Variants in OSBPL3 observed in about 807,000 individuals in gnomAD.
OSBPL3 encodes oxysterol-binding protein-related protein 3.
In OSBPL3, 65 loss-of-function variants were observed where a neutral mutation model predicts 120.1. That is an observed-to-expected ratio of 0.54 (90% CI 0.44 to 0.67). The LOEUF (loss-of-function observed/expected upper bound fraction) is 0.67. Among genes scored for constraint, OSBPL3 ranks in the 30% least tolerant of loss-of-function variants. The probability of loss-of-function intolerance (pLI) is 0.00; values close to 1 mark genes in which losing one functional copy is unlikely to be tolerated. For missense variants in OSBPL3, 1,004 were observed against 1,082.1 expected, an observed-to-expected ratio of 0.93 and a Z score of 1.01; for synonymous variants, 416 against 402.6, an observed-to-expected ratio of 1.03 and a Z score of -0.40.
At chr7:24,911,782 G>A (rs1562918481) in intron 1 of OSBPL3, among the ~76,000 whole-genome samples, 1 of 152,156 alleles carries the variant, frequency 6.6e-6, no homozygotes, top group Non-Finnish European at 1.5e-5. Context: ...CTCACTTCTA[G>A]GGGAAAGAAA....
At chr7:24,911,714 A>G (rs1254818001) in intron 1 of OSBPL3, among the ~76,000 whole-genome samples, 1 of 152,186 alleles carries the variant, frequency 6.6e-6, no homozygotes, top group Non-Finnish European at 1.5e-5. Context: ...ATTCCTTGTA[A>G]GAGAATCACT....
Position 24,937,878 on chromosome 7 carries a change from A to G in OSBPL3, c.-150+42008T>C, listed in dbSNP as rs182804105. Among the ~76,000 whole-genome samples, 5 of 152,356 alleles carry G rather than the reference A, an allele frequency of 3.3e-5. No homozygotes were observed. The East Asian group carries it at 9.6e-4, about 29-fold the overall frequency. On this transcript the variant is annotated intron_variant, in intron 1 of 22. Coordinates refer to ENST00000313367, the MANE Select transcript of OSBPL3 (RefSeq NM_015550.4). This position sits in a 1 kb window ranked among gnomAD's most constrained non-coding sequence, Gnocchi z 4.0. Reference sequence around the variant, plus strand: ...GAAACGATATTCTTGTTCTGGTTTTATATTATGCTTCCAGAATCGAAAGGT... The same window carrying G: ...GAAACGATATTCTTGTTCTGGTTTTGTATTATGCTTCCAGAATCGAAAGGT...
intron 1 of OSBPL3, 113 bp from the exon 2 acceptor site, chr7:24,892,734 T>C (rs1016867821): frequency 1.6e-5 from 10 of 644,044 alleles, no homozygotes; most frequent in East Asian, 8.7e-5. Context: ...TCACGATGTT[T>C]AGCTATAGCA....
At chr7:24,853,970 A>G (rs1005137342) in intron 10 of OSBPL3, among the ~76,000 whole-genome samples, 1 of 152,082 alleles carries the variant, frequency 6.6e-6, no homozygotes, top group African/African-American at 2.4e-5. Context: ...GCATTCAGCT[A>G]CTCTGTTCCC....
At chr7:24,882,021 A>T (rs945082266) in intron 2 of OSBPL3, among the ~76,000 whole-genome samples, 7 of 152,162 alleles carry the variant, frequency 4.6e-5, no homozygotes, top group Non-Finnish European at 8.8e-5. Flanking sequence ...CTCATCTCAA[A>T]TCCTTAAATT....
chr7:24,847,023 G>T (rs1455328107), intron 12 of OSBPL3, among the ~76,000 whole-genome samples: 1 of 144,350 alleles, frequency 6.9e-6, no homozygotes, highest in African/African-American at 2.6e-5. Context: ...AGGTGCCACT[G>T]CACTCCAGCC....
At chr7:24,954,058 T>C (rs941604673) in intron 1 of OSBPL3, among the ~76,000 whole-genome samples, 21 of 152,206 alleles carry the variant, frequency 1.4e-4, no homozygotes, top group African/African-American at 4.8e-4. Context: ...CCTTCCTTCC[T>C]CTTTCATGAT....
rs531158456 is a variant in OSBPL3, at chr7:24,932,844, G to A, written c.-149-40223C>T. On this transcript the variant is annotated intron_variant, in intron 1 of 22. Coordinates refer to ENST00000313367, the MANE Select transcript of OSBPL3 (RefSeq NM_015550.4). This position sits in a 1 kb window ranked among gnomAD's most constrained non-coding sequence, Gnocchi z 5.6. ...AAGCATTTGAAATGTTGGGCATTCA[G>A]GAACGATCTTTCTAAGATCACTTTT... 6.6e-5 allele frequency among the ~76,000 whole-genome samples: 10 copies of A among 152,352 alleles called. No individual in the cohort carries two copies. Among genetic ancestry groups the A allele is most frequent in the African/African-American group, 2.2e-4 (9 of 41,584 alleles).
At chr7:24,847,779 G>A (rs1798617623) in intron 12 of OSBPL3, among the ~76,000 whole-genome samples, 3 of 152,196 alleles carry the variant, frequency 2.0e-5, no homozygotes, top group Admixed American at 2.0e-4. Flanking sequence ...AGTAATGGCT[G>A]ATCCTGGCCA....
Position 24,881,068 on chromosome 7 carries a change from C to A in OSBPL3, c.97-8999G>T, listed in dbSNP as rs1249223510. 6.6e-6 allele frequency among the ~76,000 whole-genome samples: 1 copy of A among 152,158 alleles called. No individual in the cohort carries two copies. Among genetic ancestry groups the A allele is most frequent in the African/African-American group, 2.4e-5 (1 of 41,436 alleles). The stretch of plus-strand genomic sequence containing the variant: ...AGACCCACTGCTTTGCTGGACAGCA[C>A]CAGCTGAGAACAGTGCTCTCTCTTA... On this transcript the variant is annotated intron_variant, in intron 2 of 22. Coordinates refer to ENST00000313367, the MANE Select transcript of OSBPL3 (RefSeq NM_015550.4). The surrounding 1 kb of genome is among the most constrained non-coding windows in gnomAD (Gnocchi z 4.3).
intron 15 of OSBPL3, among the ~76,000 whole-genome samples, chr7:24,832,403 A>G (rs1460891175): frequency 6.7e-6 from 1 of 149,846 alleles, no homozygotes; most frequent in Non-Finnish European, 1.5e-5. Context: ...CCAGCTACTC[A>G]GGAGGCTGAA....
At chr7:24,948,365 G>T (rs1397412648) in intron 1 of OSBPL3, among the ~76,000 whole-genome samples, 1 of 149,424 alleles carries the variant, frequency 6.7e-6, no homozygotes, top group Admixed American at 6.8e-5. Context: ...ACAGGTGGAA[G>T]TCAAAGCAAG....
rs552971149 is a variant in OSBPL3, at chr7:24,972,596, T to C, written c.-150+7290A>G. The stretch of plus-strand genomic sequence containing the variant: ...TGCACCCAGCCTGGTGTCTGGCACA[T>C]GGCATGTGCTTAATAAATATTTGTG... On this transcript the variant is annotated intron_variant, in intron 1 of 22. Transcript: ENST00000313367. This position sits in a 1 kb window ranked among gnomAD's most constrained non-coding sequence, Gnocchi z 4.3. Among the ~76,000 whole-genome samples, 4 of 152,352 alleles carry C rather than the reference T, an allele frequency of 2.6e-5. No individual in the cohort carries two copies. The highest frequency in any genetic ancestry group is 4.4e-5 in the Non-Finnish European group (3 of 68,034).
rs113889305 is a variant in OSBPL3, at chr7:24,940,797, T to C, written c.-150+39089A>G. 4.0e-3 allele frequency among the ~76,000 whole-genome samples: 597 copies of C among 149,896 alleles called. 2 individuals are homozygous for C. The highest frequency in any genetic ancestry group is 6.1e-3 in the Non-Finnish European group (411 of 67,760). On this transcript the variant is annotated intron_variant, in intron 1 of 22. Transcript: ENST00000313367. The surrounding 1 kb of genome is among the most constrained non-coding windows in gnomAD (Gnocchi z 4.4). ...CTCACACTTCCCACATCGCTCTTCT[T>C]AACATTTCTTCCTTTTTTTTCTTTT...
intron 14 of OSBPL3, among the ~76,000 whole-genome samples, chr7:24,837,653 A>T (rs1206619317): frequency 1.3e-5 from 2 of 152,252 alleles, no homozygotes; most frequent in Non-Finnish European, 2.9e-5. Context: ...TTATTCTGTG[A>T]CAGGCAGTCT....
Position 24,833,438 on chromosome 7 carries a change from C to T in OSBPL3, c.1746+1048G>A, listed in dbSNP as rs528050194. 1.3e-5 allele frequency among the ~76,000 whole-genome samples: 2 copies of T among 152,226 alleles called. No homozygotes were observed. Among genetic ancestry groups the T allele is most frequent in the South Asian group, 2.1e-4 (1 of 4,830 alleles). On this transcript the variant is annotated intron_variant, in intron 15 of 22. Transcript: ENST00000313367. The surrounding 1 kb of genome is among the most constrained non-coding windows in gnomAD (Gnocchi z 4.4). The stretch of plus-strand genomic sequence containing the variant: ...ATGACTATGGGCTATCCCTCTCAGA[C>T]AGCAGTTAAGATTCCCCCTTAATCT...
Position 24,800,208 on chromosome 7 carries a change from T to C in OSBPL3, c.2639A>G (p.Lys880Arg), listed in dbSNP as rs1468915161. Reference sequence around the variant, plus strand: ...TCACCATAAGACAGGATGGTCCAGTTTGGAAAAACCAAGATCTTTTCTAAG... The same window carrying C: ...TCACCATAAGACAGGATGGTCCAGTCTGGAAAAACCAAGATCTTTTCTAAG... ...LELRKDLGFS[K>R]LDHPVLW The change falls in exon 23 of 23, where the codon AAA becomes AGA. Residue 880 changes from lysine (K) to arginine (R), a missense_variant. By Grantham distance (26) the Lys-to-Arg change is conservative. Transcript: ENST00000313367. 6.2e-7 allele frequency: 1 copy of C among 1,606,704 alleles called. No individual in the cohort carries two copies. Among genetic ancestry groups the C allele is most frequent in the Admixed American group, 1.7e-5 (1 of 60,000 alleles).
rs113035103 is a variant in OSBPL3, at chr7:24,939,495, A to G, written c.-150+40391T>C. On this transcript the variant is annotated intron_variant, in intron 1 of 22. Coordinates refer to ENST00000313367, the MANE Select transcript of OSBPL3 (RefSeq NM_015550.4). This position sits in a 1 kb window ranked among gnomAD's most constrained non-coding sequence, Gnocchi z 4.2. ...TCCTGGCCAATGGAACTCTAGGGAA[A>G]GTTTGGGAAACAAAAAGTTAACATG... 6.1e-3 allele frequency among the ~76,000 whole-genome samples: 932 copies of G among 152,344 alleles called. 10 individuals carry two copies. Among genetic ancestry groups the G allele is most frequent in the African/African-American group, 0.021 (889 of 41,580 alleles).
rs1042987061 is a variant in OSBPL3, at chr7:24,804,766, T to C, written c.2445-329A>G. Among the ~76,000 whole-genome samples the C allele has an allele frequency of 6.6e-6, 1 of 152,226 alleles. No homozygotes were observed. Among genetic ancestry groups the C allele is most frequent in the Non-Finnish European group, 1.5e-5 (1 of 68,038 alleles). ...GTTTCCTCTGCATCCTTCTAGAGAT[T>C]CTTCATGTGTATATAAACAAATATT... On this transcript the variant is annotated intron_variant, in intron 21 of 22. Coordinates refer to ENST00000313367, the MANE Select transcript of OSBPL3 (RefSeq NM_015550.4). The surrounding 1 kb of genome is among the most constrained non-coding windows in gnomAD (Gnocchi z 5.4).
Sources: allele counts gnomAD v4.1 joint callset (sites outside exome capture counted in the v4.1 genomes callset), GRCh38; gene constraint gnomAD v4.1.1; non-coding constraint Gnocchi (gnomAD v3.1); transcripts MANE v1.5; gene names NCBI Gene and HGNC (gene_info 2026-07-23, HGNC 2026-07-21).